Variants in FRY observed in about 807,000 individuals in gnomAD.
FRY encodes the protein protein furry homolog.
A neutral mutation model predicts 348.4 loss-of-function variants in FRY; 128 were observed. The observed-to-expected ratio is 0.37, with a 90% CI of 0.32 to 0.43. FRY has a LOEUF of 0.43. FRY is among the 20% of genes least tolerant of loss of function. FRY has a pLI of 1.00. For missense variants in FRY, 2,736 were observed against 3,695.2 expected, an observed-to-expected ratio of 0.74 and a Z score of 6.73; for synonymous variants, 1,370 against 1,374.7, an observed-to-expected ratio of 1.00 and a Z score of 0.08.
At chr13:32,209,763 A>AT (rs759677431) in intron 33 of FRY, 32 bp downstream of exon 33, 3 of 1,609,666 alleles carry the variant, frequency 1.9e-6, no homozygotes, top group Non-Finnish European at 2.6e-6. Context: ...AAGAGTGATT[A>AT]TTCCTGCAGG....
chr13:32,212,097 T>TGG (rs1884720723), intron 34 of FRY, among the ~76,000 whole-genome samples, 195 bp from the exon 35 acceptor site: 1 of 152,212 alleles, frequency 6.6e-6, no homozygotes, highest in African/African-American at 2.4e-5. Context: ...CCATAACAGA[T>TGG]GTCTACGATT....
chr13:32,181,570 G>A (rs536553855), intron 23 of FRY, among the ~76,000 whole-genome samples: 171 of 113,250 alleles, frequency 1.5e-3, no homozygotes, highest in Admixed American at 3.8e-3. Context: ...GTGATACTCC[G>A]TCACCAAAAA....
At chr13:32,153,730 G>A (rs1049277264) in intron 14 of FRY, among the ~76,000 whole-genome samples, 11 of 152,014 alleles carry the variant, frequency 7.2e-5, no homozygotes, top group Non-Finnish European at 1.6e-4. Flanking sequence ...GGGGATTCTG[G>A]CTTACAAGAG....
intron 17 of FRY, among the ~76,000 whole-genome samples, chr13:32,164,625 C>G (rs9595044): frequency 2.0e-5 from 3 of 152,160 alleles, no homozygotes; most frequent in Non-Finnish European, 2.9e-5. Flanking sequence ...CATAATATGG[C>G]CAAGTGTGAG....
chr13:32,121,007 A>T (rs932805706), intron 4 of FRY, among the ~76,000 whole-genome samples: 2 of 152,178 alleles, frequency 1.3e-5, no homozygotes, highest in African/African-American at 4.8e-5. Flanking sequence ...CTTAGCTCCC[A>T]CATATCAATA....
intron 8 of FRY, among the ~76,000 whole-genome samples, chr13:32,132,763 G>A (rs1879448903): frequency 6.6e-6 from 1 of 152,172 alleles, no homozygotes; most frequent in Admixed American, 6.5e-5. Context: ...ATTATTCATA[G>A]TTGCCAAAAA....
chr13:32,218,780 C>T lies in FRY; in HGVS notation c.4714C>T (p.Leu1572Phe), dbSNP rs1885147218. 1.2e-6 allele frequency: 2 copies of T among 1,607,650 alleles called. No individual in the cohort carries two copies. Among genetic ancestry groups the T allele is most frequent in the East Asian group, 4.5e-5 (2 of 44,840 alleles). The change falls in exon 36 of 61, where the codon CTC becomes TTC. Residue 1572 changes from leucine (L) to phenylalanine (F), a missense_variant. Leu to Phe is a conservative substitution (Grantham distance 22). This residue lies in a region of FRY where 794 missense variants were observed against 977.0 expected (regional missense o/e 0.81). Coordinates refer to ENST00000542859, the MANE Select transcript of FRY (RefSeq NM_023037.3). ...FSNVIRAHTR[L>F]ESRYSNSSGG... ...TAATGTCATCAGAGCCCACACTCGC[C>T]TCGAGTCAAGATACAGCAATAGCTC...
At chr13:32,043,650 T>C (rs973674646) in intron 1 of FRY, among the ~76,000 whole-genome samples, 1 of 151,866 alleles carries the variant, frequency 6.6e-6, no homozygotes, top group Non-Finnish European at 1.5e-5. Flanking sequence ...CTAGTGGGAG[T>C]AGAGTTATAT....
chr13:32,151,764 G>C (rs936733427), intron 14 of FRY, among the ~76,000 whole-genome samples: 9 of 152,086 alleles, frequency 5.9e-5, no homozygotes, highest in African/African-American at 1.9e-4. Context: ...GTTTTTCCTT[G>C]ACCTAAAATA....
chr13:32,250,056 C>T (rs1242725792), intron 49 of FRY, among the ~76,000 whole-genome samples: 1 of 152,216 alleles, frequency 6.6e-6, no homozygotes, highest in Non-Finnish European at 1.5e-5. Flanking sequence ...CACTTGGACT[C>T]CCAAAGGGTT....
At position 32,244,037 on chromosome 13, in the gene FRY, C is replaced by A. The variant is rs200157535; in HGVS notation, c.6688-5C>A. Reference sequence around the variant, plus strand: ...ACTGACTCCAGCCGCACTTTGCCCCCACAGCTGCTGGAGAAGGGCCTCCCT... The same window carrying A: ...ACTGACTCCAGCCGCACTTTGCCCCAACAGCTGCTGGAGAAGGGCCTCCCT... On this transcript the variant is annotated splice_region_variant and splice_polypyrimidine_tract_variant and intron_variant, in intron 46 of 60. Coordinates refer to ENST00000542859, the MANE Select transcript of FRY (RefSeq NM_023037.3). The A allele has an allele frequency of 1.2e-6, 2 of 1,613,794 alleles. No individual in the cohort carries two copies. Among genetic ancestry groups the A allele is most frequent in the Non-Finnish European group, 1.7e-6 (2 of 1,179,926 alleles).
chr13:32,072,803 G>T (rs1287177409), intron 1 of FRY, among the ~76,000 whole-genome samples: 1 of 152,188 alleles, frequency 6.6e-6, no homozygotes, highest in African/African-American at 2.4e-5. Flanking sequence ...TACTAACAGG[G>T]TTTGCCTTCA....
intron 2 of FRY, among the ~76,000 whole-genome samples, chr13:32,080,781 G>A (rs17634507): frequency 0.026 from 3,971 of 152,246 alleles, 60 homozygotes; most frequent in Middle Eastern, 0.068. Context: ...AGAGAGAGTG[G>A]TGAGGCACAA....
intron 8 of FRY, among the ~76,000 whole-genome samples, chr13:32,134,649 G>T (rs1347343628): frequency 6.6e-6 from 1 of 152,228 alleles, no homozygotes; most frequent in Non-Finnish European, 1.5e-5. Context: ...GCTGGTTAGA[G>T]ATGCTTTGTC....
At chr13:32,135,231 T>G (rs1274177300) in intron 10 of FRY, 48 bp downstream of exon 10, 2 of 1,110,236 alleles carry the variant, frequency 1.8e-6, no homozygotes, top group Non-Finnish European at 2.8e-6. Context: ...CTGCACAGAC[T>G]AAAATTCCTA....
intron 1 of FRY, among the ~76,000 whole-genome samples, chr13:32,078,416 A>G (rs901398348): frequency 2.0e-5 from 3 of 152,230 alleles, no homozygotes; most frequent in African/African-American, 7.2e-5. Flanking sequence ...AATGAAGCAC[A>G]GAACACAGAG....
chr13:32,170,779 C>T (rs1165611687), intron 17 of FRY, among the ~76,000 whole-genome samples: 1 of 152,168 alleles, frequency 6.6e-6, no homozygotes, highest in African/African-American at 2.4e-5. Flanking sequence ...TCGGGCAATC[C>T]ACCTGCCTCA....
intron 58 of FRY, among the ~76,000 whole-genome samples, chr13:32,287,148 G>A (rs1169931870): frequency 2.0e-5 from 3 of 149,204 alleles, no homozygotes; most frequent in Admixed American, 6.7e-5. Flanking sequence ...CTGGGCGACA[G>A]AGTGAGACTC....
intron 8 of FRY, among the ~76,000 whole-genome samples, chr13:32,133,764 C>CTTTTTTTTTTT (rs1259372646): frequency 6.5e-5 from 7 of 108,478 alleles, no homozygotes; most frequent in Non-Finnish European, 9.9e-5. Context: ...TTCTTTCTTT[C>CTTTTTTTTTTT]TTTCTTTTTT....
Sources: gnomAD v4.1 joint callset for allele counts (sites outside exome capture counted in the v4.1 genomes callset) on GRCh38, gnomAD v4.1.1 for gene constraint, gnomAD v4.1.1 regional missense constraint, MANE v1.5 for transcripts, NCBI Gene and HGNC (gene_info 2026-07-23, HGNC 2026-07-21) for gene names.